The following TENM2 variants were observed in gnomAD, a reference collection of about 807,000 sequenced individuals.
TENM2 encodes teneurin transmembrane protein 2, also known as teneurin-2.
In TENM2, 52 loss-of-function variants were observed where a neutral mutation model predicts 245.2. That is an observed-to-expected ratio of 0.21 (90% CI 0.17 to 0.27). The LOEUF is 0.27. Ranked by LOEUF, TENM2 falls within the 10% of genes least tolerant of loss-of-function variation. TENM2 has a pLI of 1.00. For missense variants in TENM2, 3,046 were observed against 3,666.8 expected (o/e 0.83, Z 4.37); for synonymous variants, 1,363 against 1,438.9 (o/e 0.95, Z 1.19).
intron 1 of TENM2, among the ~76,000 whole-genome samples, chr5:167,369,034 G>A (rs1440040557): frequency 6.6e-6 from 1 of 152,120 alleles, no homozygotes; most frequent in African/African-American, 2.4e-5. Context: ...GTTTGTAAAA[G>A]TGTAGGGATG....
At chr5:167,171,883 G>A in the TENM2 span, among the ~76,000 whole-genome samples, 1 of 152,202 alleles carries the variant, frequency 6.6e-6, no homozygotes, top group Non-Finnish European at 1.5e-5. Context: ...GCAGAACAAG[G>A]TGGGGAATGG....
the TENM2 span, among the ~76,000 whole-genome samples, chr5:167,114,613 T>C: frequency 6.6e-6 from 1 of 152,258 alleles, no homozygotes; most frequent in Admixed American, 6.5e-5. Context: ...CCTTTGCTTT[T>C]TATTTTTTGC....
intron 2 of TENM2, among the ~76,000 whole-genome samples, chr5:167,624,634 T>C (rs963873178): frequency 6.6e-6 from 1 of 152,184 alleles, no homozygotes; most frequent in African/African-American, 2.4e-5. Flanking sequence ...ATGTACTACA[T>C]CTTATCCTCC....
chr5:167,790,396 G>C (rs1023932131), intron 2 of TENM2, among the ~76,000 whole-genome samples: 10 of 152,138 alleles, frequency 6.6e-5, no homozygotes, highest in Admixed American at 2.6e-4. Context: ...AGTTTTATTT[G>C]GGTAAAGCGA....
the TENM2 span, among the ~76,000 whole-genome samples, chr5:167,212,603 T>C: frequency 6.6e-5 from 10 of 152,346 alleles, no homozygotes; most frequent in Non-Finnish European, 1.5e-4. Context: ...CCATGGCTTA[T>C]TGAACCATTC....
exon 22 of TENM2, chr5:168,216,816 T>A: frequency 1.2e-6 from 2 of 1,613,994 alleles, no homozygotes; most frequent in Non-Finnish European, 1.7e-6. Context: ...GATGCCACCA[T>A]GATCCGGAAG....
intron 1 of TENM2, among the ~76,000 whole-genome samples, chr5:167,327,175 C>T (rs943320135): frequency 6.6e-6 from 1 of 152,126 alleles, no homozygotes; most frequent in African/African-American, 2.4e-5. Context: ...TCCCTCCCCG[C>T]TCCCCGCATC....
chr5:167,144,233 A>C, the TENM2 span, among the ~76,000 whole-genome samples: 1 of 152,054 alleles, frequency 6.6e-6, no homozygotes, highest in African/African-American at 2.4e-5. Flanking sequence ...AGATTATAGG[A>C]GGCTGTCTTT....
the TENM2 span, among the ~76,000 whole-genome samples, chr5:167,162,350 G>A: frequency 6.6e-5 from 10 of 151,978 alleles, no homozygotes; most frequent in South Asian, 2.1e-4. Flanking sequence ...CATAAAAGCC[G>A]GGCATGGTGG....
chr5:167,989,264 GAGAA>G (rs1382342514), intron 4 of TENM2, among the ~76,000 whole-genome samples: 3 of 124,094 alleles, frequency 2.4e-5, no homozygotes, highest in Admixed American at 1.6e-4. Context: ...ATAGAAGATA[GAGAA>G]AGAGAGAGAG....
chr5:167,768,024 G>C (rs1256282114), intron 2 of TENM2, among the ~76,000 whole-genome samples: 1 of 152,134 alleles, frequency 6.6e-6, no homozygotes, highest in Admixed American at 6.6e-5. Context: ...CTTGAGATTT[G>C]CAGTGATAAC....
the TENM2 span, among the ~76,000 whole-genome samples, chr5:167,124,352 G>C: frequency 6.6e-6 from 1 of 152,142 alleles, no homozygotes; most frequent in Admixed American, 6.5e-5. Context: ...TGTTGGTGTT[G>C]TTTTATTTTA....
intron 2 of TENM2, among the ~76,000 whole-genome samples, chr5:167,781,899 C>T (rs1764210798): frequency 6.6e-6 from 1 of 152,060 alleles, no homozygotes; most frequent in African/African-American, 2.4e-5. Context: ...CACCTAGCTA[C>T]TTGGGAGGCT....
intron 2 of TENM2, among the ~76,000 whole-genome samples, chr5:167,464,515 C>G (rs955786276): frequency 3.9e-5 from 6 of 152,096 alleles, no homozygotes; most frequent in Non-Finnish European, 7.4e-5. Flanking sequence ...TGATGAATTG[C>G]TGATGTGAGC....
chr5:167,419,886 G>A (rs1316106526), intron 2 of TENM2, among the ~76,000 whole-genome samples: 3 of 152,206 alleles, frequency 2.0e-5, no homozygotes, highest in Admixed American at 6.5e-5. Flanking sequence ...TTCCAATAGT[G>A]AGCAAGTTCT....
At chr5:167,276,729 A>G in the TENM2 span, among the ~76,000 whole-genome samples, 1 of 152,110 alleles carries the variant, frequency 6.6e-6, no homozygotes, top group East Asian at 1.9e-4. Flanking sequence ...TAGATTACTT[A>G]TAATACCTAA....
At chr5:167,438,320 A>T (rs909034164) in intron 2 of TENM2, among the ~76,000 whole-genome samples, 2 of 152,132 alleles carry the variant, frequency 1.3e-5, no homozygotes, top group African/African-American at 4.8e-5. Context: ...TCCATGTTCA[A>T]AACCAAAAGT....
the TENM2 span, among the ~76,000 whole-genome samples, chr5:167,063,806 C>T: frequency 1.3e-5 from 2 of 152,196 alleles, no homozygotes; most frequent in African/African-American, 4.8e-5. Context: ...AATCAGTTCT[C>T]TTAATGGCTA....
intron 2 of TENM2, among the ~76,000 whole-genome samples, chr5:167,549,252 CT>C (rs898264720): frequency 6.6e-6 from 1 of 151,964 alleles, no homozygotes; most frequent in African/African-American, 2.4e-5. Context: ...TGTGAAAGGC[CT>C]TTTTTTCCCT....
Sources: gnomAD v4.1 joint callset for allele counts (sites outside exome capture counted in the v4.1 genomes callset) on GRCh38, gnomAD v4.1.1 for gene constraint, MANE v1.5 for transcripts, NCBI Gene and HGNC (gene_info 2026-07-23, HGNC 2026-07-21) for gene names.